The following SWAP70 variants were observed in gnomAD, a reference collection of about 807,000 sequenced individuals.
SWAP70 encodes switching B cell complex subunit SWAP70.
In SWAP70, 34 loss-of-function variants were observed where a neutral mutation model predicts 80.2. The ratio of observed to expected loss-of-function variants is 0.42; its 90% CI spans 0.32 to 0.56. The LOEUF (loss-of-function observed/expected upper bound fraction) is 0.56. Among genes scored for constraint, SWAP70 ranks in the 20% least tolerant of loss-of-function variants. The probability of loss-of-function intolerance (pLI) is 0.09; values close to 1 mark genes in which losing one functional copy is unlikely to be tolerated. For missense variants in SWAP70, 578 were observed against 690.7 expected, an observed-to-expected ratio of 0.84 and a Z score of 1.83; for synonymous variants, 239 against 238.5, an observed-to-expected ratio of 1.00 and a Z score of -0.02.
intron 9 of SWAP70, among the ~76,000 whole-genome samples, chr11:9,747,025 T>C (rs1851520985): frequency 6.6e-6 from 1 of 152,236 alleles, no homozygotes; most frequent in Non-Finnish European, 1.5e-5. Flanking sequence ...CTCAAGCCAC[T>C]AGATATGTAT....
At chr11:9,722,389 A>T (rs1039607352) in intron 3 of SWAP70, among the ~76,000 whole-genome samples, 1 of 152,276 alleles carries the variant, frequency 6.6e-6, no homozygotes, top group African/African-American at 2.4e-5. Flanking sequence ...CGTTAAGTGC[A>T]GTGACCTAGA....
At chr11:9,676,418 G>C (rs1302743124) in intron 1 of SWAP70, among the ~76,000 whole-genome samples, 1 of 152,098 alleles carries the variant, frequency 6.6e-6, no homozygotes, top group Non-Finnish European at 1.5e-5. Flanking sequence ...TTGGGGGATT[G>C]GTTCCAGGAC....
At chr11:9,719,884 C>A (rs902681791) in intron 3 of SWAP70, among the ~76,000 whole-genome samples, 1 of 152,076 alleles carries the variant, frequency 6.6e-6, no homozygotes, top group Non-Finnish European at 1.5e-5. Context: ...ATAAATAAAA[C>A]CTATTAAGCC....
intron 1 of SWAP70, among the ~76,000 whole-genome samples, chr11:9,672,324 C>T (rs1201941373): frequency 1.4e-5 from 2 of 145,550 alleles, no homozygotes; most frequent in Admixed American, 1.4e-4. Context: ...GGAATATTGA[C>T]ATCATCTTTG....
At chr11:9,731,518 A>G (rs1230364540) in intron 6 of SWAP70, among the ~76,000 whole-genome samples, 2 of 152,228 alleles carry the variant, frequency 1.3e-5, no homozygotes, top group African/African-American at 4.8e-5. Context: ...GCTATCTATT[A>G]ATAGGGAAAT....
chr11:9,670,342 T>A (rs948249707), intron 1 of SWAP70, among the ~76,000 whole-genome samples: 2 of 152,312 alleles, frequency 1.3e-5, no homozygotes, highest in Admixed American at 1.3e-4. Context: ...TTGATTTTTT[T>A]AAATAATGGT....
At chr11:9,710,145 T>A (rs983399301) in intron 2 of SWAP70, among the ~76,000 whole-genome samples, 4 of 152,120 alleles carry the variant, frequency 2.6e-5, no homozygotes. Flanking sequence ...ACCCTCGAAG[T>A]TCAAACCTAT....
chr11:9,745,744 T>A lies in SWAP70; in HGVS notation c.1356-2114T>A, dbSNP rs190416547. ...TGATGGTAGGTGTAGTTTCTATTCC[T>A]TTTTTGATAAATGAGGAAGCCGATA... On this transcript the variant is annotated intron_variant, in intron 9 of 11. Coordinates refer to ENST00000318950, the MANE Select transcript of SWAP70 (RefSeq NM_015055.4). 3.5e-3 allele frequency among the ~76,000 whole-genome samples: 529 copies of A among 152,354 alleles called. 3 individuals carry two copies. The highest frequency in any genetic ancestry group is 4.8e-3 in the South Asian group (23 of 4,826).
intron 4 of SWAP70, among the ~76,000 whole-genome samples, chr11:9,727,342 A>C (rs942406029): frequency 6.6e-6 from 1 of 152,114 alleles, no homozygotes; most frequent in African/African-American, 2.4e-5. Flanking sequence ...GTGAGCCGAG[A>C]TTGCACCCAC....
Position 9,672,195 on chromosome 11 carries a change from CTATATATATATA to C in SWAP70, c.99+7939_99+7950del, listed in dbSNP as rs57590750. On this transcript the variant is annotated intron_variant, in intron 1 of 11. Coordinates refer to ENST00000318950, the MANE Select transcript of SWAP70 (RefSeq NM_015055.4). ...TATATATATACATATATGTGTGTGT[CTATATATATATA>C]TATATATATATATATATATATGATT... is the stretch of plus-strand genomic sequence containing the variant. Among the ~76,000 whole-genome samples the C allele has an allele frequency of 1.6e-3, 123 of 78,418 alleles. 3 individuals are homozygous for C. The highest frequency in any genetic ancestry group is 1.5e-3 in the Non-Finnish European group (65 of 43,078). 51.4% of individuals were successfully genotyped at this position (78,418 alleles called of 152,430 possible). A position where few individuals can be genotyped will look rare whatever the true frequency, so the allele number is the denominator to read the frequency against.
At position 9,732,044 on chromosome 11, in the gene SWAP70, C is replaced by T. The variant is rs796148946; in HGVS notation, c.899-485C>T. Among the ~76,000 whole-genome samples, 8 of 152,196 alleles carry T rather than the reference C, an allele frequency of 5.3e-5. 1 individual carries two copies. Among genetic ancestry groups the T allele is most frequent in the African/African-American group, 1.9e-4 (8 of 41,528 alleles). On this transcript the variant is annotated intron_variant, in intron 6 of 11. Transcript: ENST00000318950. Reference sequence around the variant, plus strand: ...TACCTGTTATCTCAGGAAGGGGTTGCATAAGGCATGGATGATAGGCCAACT... The same window carrying T: ...TACCTGTTATCTCAGGAAGGGGTTGTATAAGGCATGGATGATAGGCCAACT...
chr11:9,725,004 T>TG (rs1851190235), intron 4 of SWAP70, 119 bp downstream of exon 4: 5 of 781,696 alleles, frequency 6.4e-6, no homozygotes, highest in Non-Finnish European at 8.0e-6. Flanking sequence ...TTCGTTTTTT[T>TG]ATTTTTTGTT....
At chr11:9,689,297 G>T (rs930516690) in intron 1 of SWAP70, among the ~76,000 whole-genome samples, 5 of 152,184 alleles carry the variant, frequency 3.3e-5, no homozygotes, top group African/African-American at 9.7e-5. Flanking sequence ...CTCAAAAGGG[G>T]TAAATGGCAA....
intron 2 of SWAP70, among the ~76,000 whole-genome samples, chr11:9,699,068 G>C (rs975599474): frequency 6.6e-6 from 1 of 152,130 alleles, no homozygotes; most frequent in South Asian, 2.1e-4. Context: ...ATTCTCAAAA[G>C]CAACATATGG....
rs1851583573 is a variant in SWAP70 at position 9,751,056 on chromosome 11, A to AT, written c.*1086_*1087insT. 1 of 152,226 alleles carries AT rather than the reference A, an allele frequency of 6.6e-6. No homozygotes were observed. Among genetic ancestry groups the AT allele is most frequent in the Non-Finnish European group, 1.5e-5 (1 of 68,036 alleles). The allele number at this position is 152,226 out of a possible 1,614,324, so 9.4% of individuals were successfully genotyped here. A position where few individuals can be genotyped will look rare whatever the true frequency, so the allele number is the denominator to read the frequency against. On this transcript the variant is annotated 3_prime_UTR_variant, in exon 12 of 12. Transcript: ENST00000318950. Reference sequence around the variant, plus strand: ...AGGCTGTGAGAGGATTATACTGAGTAGTAGAAAGAAGCTAATTTGAAATAA... The same window carrying AT: ...AGGCTGTGAGAGGATTATACTGAGTATGTAGAAAGAAGCTAATTTGAAATAA...
chr11:9,720,636 G>A (rs556724071), intron 3 of SWAP70, among the ~76,000 whole-genome samples: 1 of 152,158 alleles, frequency 6.6e-6, no homozygotes, highest in South Asian at 2.1e-4. Flanking sequence ...ACTTCGACTT[G>A]TGCCTGTATT....
chr11:9,680,261 C>T (rs1256248402), intron 1 of SWAP70, among the ~76,000 whole-genome samples: 1 of 152,092 alleles, frequency 6.6e-6, no homozygotes, highest in East Asian at 1.9e-4. Context: ...TAGAAGATGA[C>T]CACTCTAAGC....
In SWAP70 at chr11:9,664,237, G is replaced by A; in HGVS notation, c.58G>A (p.Asp20Asn). 1 of 1,594,852 alleles carries A rather than the reference G, an allele frequency of 6.3e-7. No individual in the cohort carries two copies. The highest frequency in any genetic ancestry group is 8.5e-7 in the Non-Finnish European group (1 of 1,171,330). ...KAIWHAFTAL[D>N]QDHSGKVSKS... is the part of the protein sequence containing the mutation. ...CATCTGGCACGCCTTCACCGCACTC[G>A]ACCAGGACCACAGCGGCAAGGTCTC... Residue 20 changes from aspartate to asparagine, a missense_variant, in exon 1 of 12, where the codon GAC becomes AAC. Coordinates refer to ENST00000318950, the MANE Select transcript of SWAP70 (RefSeq NM_015055.4).
At chr11:9,696,762 C>A (rs1005988451) in intron 2 of SWAP70, among the ~76,000 whole-genome samples, 1 of 152,024 alleles carries the variant, frequency 6.6e-6, no homozygotes, top group Non-Finnish European at 1.5e-5. Context: ...CCTCCTTTTG[C>A]CTATTTATAA....
Sources: allele counts gnomAD v4.1 joint callset (sites outside exome capture counted in the v4.1 genomes callset), GRCh38; gene constraint gnomAD v4.1.1; transcripts MANE v1.5; gene names NCBI Gene and HGNC (gene_info 2026-07-23, HGNC 2026-07-21).